SLMAP: variants seen among roughly 807,000 people sequenced by gnomAD.
SLMAP encodes the protein sarcolemma associated protein, also known as sarcolemmal membrane-associated protein.
Under a neutral mutation model 128.8 loss-of-function variants are expected in SLMAP, and 44 were observed. The observed-to-expected ratio is 0.34, with a 90% CI of 0.27 to 0.44. The LOEUF is 0.44. Ranked by LOEUF, SLMAP falls within the 20% of genes least tolerant of loss-of-function variation. The pLI, the probability that SLMAP is intolerant of heterozygous loss-of-function variation, is 1.00. For synonymous variants in SLMAP, 327 were observed against 348.8 expected (o/e 0.94, Z 0.70); for missense variants, 787 against 985.3 (o/e 0.80, Z 2.69).
chr3:57,871,840 C>A, intron 14 of SLMAP, 142 bp downstream of exon 14: 1 of 590,484 alleles, frequency 1.7e-6, no homozygotes. Context: ...CAAACCTTTT[C>A]ATAACTATTT....
At chr3:57,851,351 TG>T (rs1465580492) in intron 6 of SLMAP, among the ~76,000 whole-genome samples, 264 of 122,382 alleles carry the variant, frequency 2.2e-3, no homozygotes, top group African/African-American at 4.4e-3. Flanking sequence ...TGTTTTGGGT[TG>T]TTTTTTTTTT....
At chr3:57,840,380 A>G (rs1540580) in intron 3 of SLMAP, among the ~76,000 whole-genome samples, 68,137 of 152,190 alleles carry the variant, frequency 0.45, 15,577 homozygotes, top group East Asian at 0.54. Flanking sequence ...TCCCCTAATC[A>G]TGATGTAGTG....
chr3:57,814,538 C>T (rs900789946), intron 2 of SLMAP, among the ~76,000 whole-genome samples: 3 of 152,176 alleles, frequency 2.0e-5, no homozygotes, highest in African/African-American at 7.2e-5. Context: ...ATTATGACAT[C>T]TGCTAAATAC....
At chr3:57,870,599 G>C (rs1362617484) in intron 13 of SLMAP, among the ~76,000 whole-genome samples, 1 of 152,162 alleles carries the variant, frequency 6.6e-6, no homozygotes, top group African/African-American at 2.4e-5. Context: ...GTAGCCAACA[G>C]GAAGGATGTA....
intron 2 of SLMAP, among the ~76,000 whole-genome samples, chr3:57,814,718 A>G (rs1001143645): frequency 1.3e-5 from 2 of 152,074 alleles, no homozygotes; most frequent in Non-Finnish European, 2.9e-5. Flanking sequence ...TCATGGGTGT[A>G]TTCCCAGGAC....
Position 57,831,526 on chromosome 3 carries a change from G to C in SLMAP, c.342G>C (p.Arg114=), listed in dbSNP as rs755506086. The C allele has an allele frequency of 6.5e-7, 1 of 1,546,820 alleles. No homozygotes were observed. Among genetic ancestry groups the C allele is most frequent in the South Asian group, 1.2e-5 (1 of 80,382 alleles). ...GAGTAGACGTGACAGAGAATACACG[G>C]AAAGGTACGGGTATGGATCACTTTT... ...QFGVDVTENT[R]KVTHGCIVST... The change falls in exon 3 of 25, where the codon CGG becomes CGC. Residue 114 remains arginine (R), a synonymous_variant. Transcript: ENST00000671191.
At chr3:57,863,248 A>G (rs1289988167) in intron 10 of SLMAP, among the ~76,000 whole-genome samples, 1 of 152,142 alleles carries the variant, frequency 6.6e-6, no homozygotes, top group Non-Finnish European at 1.5e-5. Flanking sequence ...ATGATAGGGT[A>G]ATGTCTAGTT....
At chr3:57,921,973 G>A (rs766051088) in intron 22 of SLMAP, among the ~76,000 whole-genome samples, 9 of 152,160 alleles carry the variant, frequency 5.9e-5, no homozygotes, top group Middle Eastern at 3.2e-3. Context: ...CCAAAGTGCT[G>A]GGATTACAGG....
intron 2 of SLMAP, among the ~76,000 whole-genome samples, chr3:57,760,747 G>C (rs28495214): frequency 0.63 from 95,851 of 151,592 alleles, 30,927 homozygotes; most frequent in East Asian, 0.98. Context: ...TCCCTTCAGA[G>C]AAGGAGTTTC....
chr3:57,886,591 T>C (rs545612952), intron 14 of SLMAP, among the ~76,000 whole-genome samples: 1 of 151,444 alleles, frequency 6.6e-6, no homozygotes, highest in African/African-American at 2.4e-5. Flanking sequence ...TTTTTTTTTT[T>C]TTCAAGAGGG....
At chr3:57,770,659 G>C (rs946046857) in intron 2 of SLMAP, among the ~76,000 whole-genome samples, 1 of 152,132 alleles carries the variant, frequency 6.6e-6, no homozygotes, top group African/African-American at 2.4e-5. Context: ...GAGTCTCTGT[G>C]TTTTCAGTTT....
intron 6 of SLMAP, among the ~76,000 whole-genome samples, chr3:57,854,010 AT>A (rs2094638567): frequency 6.9e-5 from 7 of 102,156 alleles, no homozygotes; most frequent in Non-Finnish European, 1.4e-4. Context: ...TTTACATATA[AT>A]ATATATTATA....
intron 18 of SLMAP, 78 bp from the exon 19 acceptor site, chr3:57,908,998 G>T: frequency 9.8e-7 from 1 of 1,016,560 alleles, no homozygotes; most frequent in Non-Finnish European, 1.5e-6. Context: ...AATTTTAAAA[G>T]AAATTTTCAG....
chr3:57,848,247 T>G (rs971079729), intron 5 of SLMAP, among the ~76,000 whole-genome samples: 1 of 151,298 alleles, frequency 6.6e-6, no homozygotes, highest in Non-Finnish European at 1.5e-5. Flanking sequence ...TTTTTTCTCC[T>G]TCTTCTCCTC....
intron 2 of SLMAP, among the ~76,000 whole-genome samples, chr3:57,761,064 T>C (rs2078536044): frequency 6.7e-6 from 1 of 150,014 alleles, no homozygotes; most frequent in Admixed American, 6.7e-5. Flanking sequence ...GGGATGATAA[T>C]GGTACCTATT....
intron 2 of SLMAP, among the ~76,000 whole-genome samples, chr3:57,774,133 G>A (rs1271995446): frequency 6.6e-6 from 1 of 152,156 alleles, no homozygotes; most frequent in East Asian, 1.9e-4. Context: ...AGTAGTACTA[G>A]TCTTACCATT....
intron 2 of SLMAP, among the ~76,000 whole-genome samples, chr3:57,794,417 T>C (rs779226265): frequency 1.3e-5 from 2 of 152,192 alleles, no homozygotes; most frequent in Non-Finnish European, 2.9e-5. Flanking sequence ...CGTTTCAAAA[T>C]TTATGTTTTT....
chr3:57,883,124 T>A (rs1459119406), intron 14 of SLMAP, among the ~76,000 whole-genome samples: 1 of 152,202 alleles, frequency 6.6e-6, no homozygotes, highest in East Asian at 1.9e-4. Flanking sequence ...AAGGAATTCA[T>A]AGTAAGTTGG....
intron 2 of SLMAP, among the ~76,000 whole-genome samples, chr3:57,806,982 A>G (rs1051409808): frequency 6.6e-6 from 1 of 152,180 alleles, no homozygotes; most frequent in African/African-American, 2.4e-5. Flanking sequence ...ATTCCCACCA[A>G]CAGTGTAAAA....
Sources: allele counts gnomAD v4.1 joint callset (sites outside exome capture counted in the v4.1 genomes callset), GRCh38; gene constraint gnomAD v4.1.1; transcripts MANE v1.5; gene names NCBI Gene and HGNC (gene_info 2026-07-23, HGNC 2026-07-21).